Variants in MED13L observed in about 807,000 individuals in gnomAD.
MED13L encodes mediator of RNA polymerase II transcription subunit 13-like.
In MED13L, 7 loss-of-function variants were observed where a neutral mutation model predicts 220.9. The ratio of observed to expected loss-of-function variants is 0.03; its 90% CI spans 0.02 to 0.06. The LOEUF (loss-of-function observed/expected upper bound fraction) is 0.06. Ranked by LOEUF, MED13L falls within the 10% of genes least tolerant of loss-of-function variation. MED13L has a pLI of 1.00. For synonymous variants in MED13L, 1,011 were observed against 1,015.2 expected (o/e 1.00, Z 0.08); for missense variants, 1,965 against 2,760.5 (o/e 0.71, Z 6.46).
At chr12:115,968,866 T>A (rs752042398) in intron 28 of MED13L, 74 bp downstream of exon 28, 1 of 1,565,878 alleles carries the variant, frequency 6.4e-7, no homozygotes, top group African/African-American at 1.4e-5. Flanking sequence ...AGGAACAAGA[T>A]GATCAGATGT....
At chr12:116,155,919 G>A (rs1043103887) in intron 2 of MED13L, among the ~76,000 whole-genome samples, 30 of 151,958 alleles carry the variant, frequency 2.0e-4, no homozygotes, top group Admixed American at 2.0e-3. Flanking sequence ...TTTCATATTA[G>A]AAATAGTAAG....
At chr12:116,172,626 A>G (rs189042124) in intron 2 of MED13L, among the ~76,000 whole-genome samples, 156 of 152,334 alleles carry the variant, frequency 1.0e-3, no homozygotes, top group Non-Finnish European at 1.8e-3. Context: ...GTTGAAGGCA[A>G]AAAGTCCTAC....
chr12:116,159,057 C>G (rs992090050), intron 2 of MED13L, among the ~76,000 whole-genome samples: 3 of 152,096 alleles, frequency 2.0e-5, no homozygotes, highest in African/African-American at 7.2e-5. Context: ...ACAACTTCAA[C>G]AAACAAAAAA....
At chr12:115,980,727 G>C in intron 23 of MED13L, 23 bp downstream of exon 23, 1 of 1,612,962 alleles carries the variant, frequency 6.2e-7, no homozygotes, top group Non-Finnish European at 8.5e-7. Flanking sequence ...AATTTTCTAA[G>C]TTTCTGTCCT....
At chr12:116,216,472 T>C (rs1017205876) in intron 2 of MED13L, among the ~76,000 whole-genome samples, 8 of 152,318 alleles carry the variant, frequency 5.3e-5, no homozygotes, top group African/African-American at 1.9e-4. Flanking sequence ...TCATCACTCC[T>C]ACTAGCATCT....
intron 22 of MED13L, chr12:115,981,759 A>G (rs980699451): frequency 6.6e-5 from 10 of 152,544 alleles, no homozygotes; most frequent in African/African-American, 2.4e-4. Flanking sequence ...GTAAGAATTT[A>G]AATAATATGA....
intron 2 of MED13L, among the ~76,000 whole-genome samples, chr12:116,223,237 TAATA>T (rs1022051202): frequency 6.6e-6 from 1 of 152,184 alleles, no homozygotes; most frequent in Non-Finnish European, 1.5e-5. Flanking sequence ...CACTTTAACC[TAATA>T]AATAGTGCTC....
chr12:116,058,442 T>C (rs1869152073), intron 4 of MED13L, among the ~76,000 whole-genome samples: 1 of 152,204 alleles, frequency 6.6e-6, no homozygotes, highest in African/African-American at 2.4e-5. Flanking sequence ...TCTGTATACA[T>C]ACATAAATTA....
chr12:116,044,634 G>C (rs1016606560), intron 4 of MED13L, among the ~76,000 whole-genome samples: 7 of 152,192 alleles, frequency 4.6e-5, no homozygotes, highest in Non-Finnish European at 7.3e-5. Flanking sequence ...GACAACATTT[G>C]AGAATCTGGT....
At position 116,096,757 on chromosome 12, in the gene MED13L, A is replaced by G. The variant is rs1411050441; in HGVS notation, c.396-5T>C. On this transcript the variant is annotated splice_region_variant and splice_polypyrimidine_tract_variant and intron_variant, in intron 3 of 30. Transcript: ENST00000281928. ...AAGTTCTTATCCATTAGGCACCTAA[A>G]ATAATTACATCAAGAATTACTTTTA... The G allele has an allele frequency of 6.2e-7, 1 of 1,608,684 alleles. No homozygotes were observed. The highest frequency in any genetic ancestry group is 8.5e-7 in the Non-Finnish European group (1 of 1,175,108).
At chr12:116,070,569 T>A (rs1870289657) in intron 4 of MED13L, among the ~76,000 whole-genome samples, 1 of 152,166 alleles carries the variant, frequency 6.6e-6, no homozygotes, top group Non-Finnish European at 1.5e-5. Context: ...AAGTTCAGGC[T>A]CTTTAGCACC....
In MED13L at chr12:116,043,458, A is replaced by G. The variant is rs148265819; in HGVS notation, c.480-20857T>C. Among the ~76,000 whole-genome samples, 515 of 152,294 alleles carry G rather than the reference A, an allele frequency of 3.4e-3. 5 individuals carry two copies. Among genetic ancestry groups the G allele is most frequent in the Middle Eastern group, 0.02 (6 of 294 alleles). ...GCCTCCCATTTGATGTCTTTGGGGG[A>G]AAGAGCACAGTTAACACTATGTGGT... On this transcript the variant is annotated intron_variant, in intron 4 of 30. Transcript: ENST00000281928.
At chr12:116,173,798 C>T (rs1334425744) in intron 2 of MED13L, among the ~76,000 whole-genome samples, 2 of 152,062 alleles carry the variant, frequency 1.3e-5, no homozygotes, top group African/African-American at 4.8e-5. Context: ...AAAGGAGAAA[C>T]AGAAGAATGG....
rs565794228 is a variant in MED13L, at chr12:116,034,113, C to A, written c.480-11512G>T. Among the ~76,000 whole-genome samples the A allele has an allele frequency of 2.0e-5, 3 of 151,994 alleles. 1 individual carries two copies. Among genetic ancestry groups the A allele is most frequent in the African/African-American group, 7.3e-5 (3 of 41,356 alleles). On this transcript the variant is annotated intron_variant, in intron 4 of 30. Transcript: ENST00000281928. ...ATTTTCCATGAAATTACCTTTAAAG[C>A]CCCAGAATAGACTAAAATGCTCCTA...
At chr12:116,239,574 C>T (rs973053397) in intron 1 of MED13L, among the ~76,000 whole-genome samples, 2 of 152,064 alleles carry the variant, frequency 1.3e-5, no homozygotes, top group African/African-American at 4.8e-5. Context: ...ATAATTTAGC[C>T]ATCCCATACC....
intron 2 of MED13L, among the ~76,000 whole-genome samples, chr12:116,197,067 A>C (rs1881674814): frequency 6.6e-6 from 1 of 152,234 alleles, no homozygotes; most frequent in Admixed American, 6.5e-5. Flanking sequence ...CTCTCTCAAG[A>C]CAAAGCATAC....
At chr12:115,989,683 T>A (rs905407631) in intron 17 of MED13L, among the ~76,000 whole-genome samples, 2 of 152,192 alleles carry the variant, frequency 1.3e-5, no homozygotes, top group African/African-American at 4.8e-5. Flanking sequence ...TATAGTCTTA[T>A]CTTTGAACAC....
At chr12:116,132,396 C>A (rs1482394588) in intron 2 of MED13L, among the ~76,000 whole-genome samples, 1 of 151,878 alleles carries the variant, frequency 6.6e-6, no homozygotes, top group African/African-American at 2.4e-5. Context: ...ATTAGTTTGT[C>A]ATTTTTGCAG....
intron 2 of MED13L, among the ~76,000 whole-genome samples, chr12:116,196,244 A>G (rs559118470): frequency 1.3e-5 from 2 of 152,066 alleles, no homozygotes; most frequent in Non-Finnish European, 2.9e-5. Flanking sequence ...TTTAAATTAT[A>G]TTTTTTACTG....
Sources: allele counts gnomAD v4.1 joint callset (sites outside exome capture counted in the v4.1 genomes callset), GRCh38; gene constraint gnomAD v4.1.1; transcripts MANE v1.5; gene names NCBI Gene and HGNC (gene_info 2026-07-23, HGNC 2026-07-21).